PTPRG: variants seen among roughly 807,000 people sequenced by gnomAD.
PTPRG encodes receptor-type tyrosine-protein phosphatase gamma.
In PTPRG, 102 loss-of-function variants were observed where a neutral mutation model predicts 165.3. That is an observed-to-expected ratio of 0.62 (90% confidence interval 0.53 to 0.73). The LOEUF (loss-of-function observed/expected upper bound fraction) is 0.73. Ranked by LOEUF, PTPRG falls within the 30% of genes least tolerant of loss-of-function variation. PTPRG has a pLI of 0.00. For missense variants in PTPRG, 1,866 were observed against 1,861.4 expected (o/e 1.00, Z -0.05); for synonymous variants, 675 against 669.5 (o/e 1.01, Z -0.13).
rs531026658 is a variant in PTPRG at position 61,676,645 on chromosome 3, A to G, written c.86-72233A>G. On this transcript the variant is annotated intron_variant, in intron 1 of 29. Coordinates refer to ENST00000474889, the MANE Select transcript of PTPRG (RefSeq NM_002841.4). ...ATATATTTTAACGTGTTGCGGTTGC[A>G]TGTGACTCTTCCAAAGACATCTATC... 9.2e-5 allele frequency among the ~76,000 whole-genome samples: 14 copies of G among 151,984 alleles called. No homozygotes were observed. The South Asian group carries it at 2.9e-3, about 32-fold the overall frequency.
chr3:62,003,508 G>A lies in PTPRG; in HGVS notation c.519+11G>A. On this transcript the variant is annotated intron_variant, in intron 4 of 29. Coordinates refer to ENST00000474889, the MANE Select transcript of PTPRG (RefSeq NM_002841.4). The stretch of plus-strand genomic sequence containing the variant: ...AGGTTTCCTGTTGAGGTGAGAGAAA[G>A]TCAAGATCTCAACGTGTAGCTGTGC... 6.2e-7 allele frequency: 1 copy of A among 1,613,402 alleles called. No individual in the cohort carries two copies. The highest frequency in any genetic ancestry group is 8.5e-7 in the Non-Finnish European group (1 of 1,179,688).
intron 2 of PTPRG, among the ~76,000 whole-genome samples, chr3:61,823,020 C>A (rs922203588): frequency 2.0e-5 from 3 of 152,208 alleles, no homozygotes; most frequent in African/African-American, 4.8e-5. Flanking sequence ...CCCTTTGATA[C>A]TCATTGTGCT....
intron 4 of PTPRG, among the ~76,000 whole-genome samples, chr3:62,053,963 G>A (rs1271223473): frequency 1.3e-5 from 2 of 152,120 alleles, no homozygotes; most frequent in African/African-American, 4.8e-5. Context: ...CTACATGAGG[G>A]ACTATACATG....
intron 1 of PTPRG, among the ~76,000 whole-genome samples, chr3:61,703,544 C>G (rs2106715571): frequency 6.6e-6 from 1 of 152,236 alleles, no homozygotes; most frequent in South Asian, 2.1e-4. Context: ...GATGCTGTAT[C>G]TTTTCATGCT....
chr3:61,651,339 T>G (rs1251141879), intron 1 of PTPRG, among the ~76,000 whole-genome samples: 2 of 148,406 alleles, frequency 1.3e-5, no homozygotes, highest in Non-Finnish European at 3.0e-5. Flanking sequence ...AAGTTGTCGT[T>G]GACATTTTGT....
intron 2 of PTPRG, among the ~76,000 whole-genome samples, chr3:61,869,402 A>G (rs953540606): frequency 6.6e-6 from 1 of 152,132 alleles, no homozygotes; most frequent in Non-Finnish European, 1.5e-5. Flanking sequence ...TGGCTGCATG[A>G]CTTAAAAAAT....
chr3:61,839,584 C>T (rs2036562536), intron 2 of PTPRG, among the ~76,000 whole-genome samples: 1 of 152,076 alleles, frequency 6.6e-6, no homozygotes, highest in African/African-American at 2.4e-5. Context: ...TAGGAATTTG[C>T]TTTAAAATAG....
At chr3:61,718,213 C>CAAAAAAAAAAAAAAAAAAAA (rs376955925) in intron 1 of PTPRG, among the ~76,000 whole-genome samples, 1 of 102,444 alleles carries the variant, frequency 9.8e-6, no homozygotes, top group Non-Finnish European at 2.1e-5. Flanking sequence ...AAACAAAAAC[C>CAAAAAAAAAAAAAAAAAAAA]AAAAAAAAAA....
intron 29 of PTPRG, 49 bp from the exon 30 acceptor site, chr3:62,293,112 A>T (rs1702958388): frequency 1.4e-6 from 2 of 1,433,104 alleles, no homozygotes; most frequent in Non-Finnish European, 1.9e-6. Flanking sequence ...CCTTATGTGA[A>T]ATCACTAAAC....
At chr3:61,794,434 C>G (rs1350876279) in intron 2 of PTPRG, among the ~76,000 whole-genome samples, 1 of 152,186 alleles carries the variant, frequency 6.6e-6, no homozygotes, top group Non-Finnish European at 1.5e-5. Context: ...TTTCAAAAAT[C>G]TGGTCCCTAT....
intron 4 of PTPRG, among the ~76,000 whole-genome samples, chr3:62,069,235 C>T (rs939297609): frequency 2.6e-5 from 4 of 152,194 alleles, no homozygotes; most frequent in African/African-American, 9.7e-5. Flanking sequence ...TTACAACAGC[C>T]CCTTGAGGTG....
intron 4 of PTPRG, among the ~76,000 whole-genome samples, chr3:62,064,889 G>A (rs1169725394): frequency 6.6e-6 from 1 of 151,844 alleles, no homozygotes; most frequent in Non-Finnish European, 1.5e-5. Context: ...GTGCCACCAC[G>A]CCAAGCTAAT....
At chr3:61,817,057 AAT>A (rs2035794045) in intron 2 of PTPRG, among the ~76,000 whole-genome samples, 1 of 127,810 alleles carries the variant, frequency 7.8e-6, no homozygotes, top group Non-Finnish European at 1.7e-5. Flanking sequence ...TATTATATAT[AAT>A]ATATAATACA....
intron 1 of PTPRG, among the ~76,000 whole-genome samples, chr3:61,695,175 T>G (rs1206108618): frequency 6.6e-6 from 1 of 152,106 alleles, no homozygotes; most frequent in African/African-American, 2.4e-5. Context: ...CACGCCCAGT[T>G]AATTTTTGTA....
At chr3:62,061,670 C>T (rs997276388) in intron 4 of PTPRG, among the ~76,000 whole-genome samples, 36 of 151,250 alleles carry the variant, frequency 2.4e-4, no homozygotes, top group Non-Finnish European at 2.1e-4. Flanking sequence ...GCTCTGTCGC[C>T]CAGGCCGGAG....
chr3:61,642,868 C>A lies in PTPRG; in HGVS notation c.85+80496C>A, dbSNP rs1030471643. Among the ~76,000 whole-genome samples the A allele has an allele frequency of 2.6e-5, 4 of 152,204 alleles. No homozygotes were observed. The South Asian group carries it at 8.3e-4, about 32-fold the overall frequency. On this transcript the variant is annotated intron_variant, in intron 1 of 29. Coordinates refer to ENST00000474889, the MANE Select transcript of PTPRG (RefSeq NM_002841.4). ...ATTGATGGATCTGGGCATGAGACATCGACACTTGGTAATATCCTCCAGAGA... is the reference window on the plus strand; with the variant it reads ...ATTGATGGATCTGGGCATGAGACATAGACACTTGGTAATATCCTCCAGAGA...
intron 23 of PTPRG, among the ~76,000 whole-genome samples, chr3:62,274,755 T>G (rs1180338377): frequency 6.6e-6 from 1 of 152,154 alleles, no homozygotes; most frequent in East Asian, 1.9e-4. Flanking sequence ...GTCATAAAAT[T>G]AAAAATTTTT....
intron 4 of PTPRG, among the ~76,000 whole-genome samples, chr3:62,046,812 T>C (rs1195532480): frequency 2.6e-5 from 4 of 152,176 alleles, no homozygotes; most frequent in African/African-American, 9.7e-5. Flanking sequence ...GTTTTGACTG[T>C]TGTTATGTGG....
chr3:61,600,301 A>G (rs1040854483), intron 1 of PTPRG, among the ~76,000 whole-genome samples: 1 of 151,816 alleles, frequency 6.6e-6, no homozygotes, highest in African/African-American at 2.4e-5. Flanking sequence ...ACTGAAAAGC[A>G]TAGTAATTCT....
Sources: allele counts gnomAD v4.1 joint callset (sites outside exome capture counted in the v4.1 genomes callset), GRCh38; gene constraint gnomAD v4.1.1; transcripts MANE v1.5; gene names NCBI Gene and HGNC (gene_info 2026-07-23, HGNC 2026-07-21).